The following ZC3H11A variants were observed in gnomAD, a reference collection of about 807,000 sequenced individuals.
The protein encoded by ZC3H11A is zinc finger CCCH domain-containing protein 11A.
Under a neutral mutation model 90.8 loss-of-function variants are expected in ZC3H11A, and 22 were observed. The observed-to-expected ratio is 0.24, with a 90% CI of 0.17 to 0.35. The LOEUF (loss-of-function observed/expected upper bound fraction) is 0.35, where lower values mean the gene tolerates loss of function less well. Ranked by LOEUF, ZC3H11A falls within the 10% of genes least tolerant of loss-of-function variation. ZC3H11A has a pLI of 1.00. For synonymous variants in ZC3H11A, 294 were observed against 339.8 expected, an observed-to-expected ratio of 0.87 and a Z score of 1.48; for missense variants, 701 against 964.9, an observed-to-expected ratio of 0.73 and a Z score of 3.62.
intron 10 of ZC3H11A, among the ~76,000 whole-genome samples, chr1:203,834,490 T>C (rs576467135): frequency 1.2e-4 from 18 of 152,286 alleles, no homozygotes; most frequent in Admixed American, 7.8e-4. Flanking sequence ...CAGGCTGGTC[T>C]CCAACTCCTG....
intron 7 of ZC3H11A, 101 bp from the exon 8 acceptor site, chr1:203,830,022 C>T: frequency 1.5e-6 from 2 of 1,314,386 alleles, no homozygotes; most frequent in South Asian, 1.2e-5. Flanking sequence ...TACTTAGTTT[C>T]TGTTGATCAT....
intron 10 of ZC3H11A, 113 bp downstream of exon 10, chr1:203,833,966 T>C (rs1239934581): frequency 7.1e-7 from 1 of 1,409,836 alleles, no homozygotes; most frequent in African/African-American, 1.5e-5. Context: ...CTGTATTGGC[T>C]GAAAGCACTT....
chr1:203,820,669 G>A (rs529902534), intron 4 of ZC3H11A, among the ~76,000 whole-genome samples: 18 of 152,042 alleles, frequency 1.2e-4, no homozygotes, highest in Admixed American at 3.3e-4. Flanking sequence ...TAGTAGACAC[G>A]AGGTTTCGCG....
intron 10 of ZC3H11A, among the ~76,000 whole-genome samples, chr1:203,834,671 C>T (rs114781601): frequency 0.011 from 1,647 of 152,132 alleles, 37 homozygotes; most frequent in African/African-American, 0.038. Context: ...TCATTTGAAA[C>T]GAGAGTCTTG....
chr1:203,820,794 A>G (rs1434078239), intron 4 of ZC3H11A, among the ~76,000 whole-genome samples: 1 of 152,040 alleles, frequency 6.6e-6, no homozygotes, highest in Non-Finnish European at 1.5e-5. Flanking sequence ...TTTTTGTTGC[A>G]TATCATCCCG....
At chr1:203,804,436 G>A (rs550749712) in intron 2 of ZC3H11A, among the ~76,000 whole-genome samples, 2 of 152,146 alleles carry the variant, frequency 1.3e-5, no homozygotes, top group South Asian at 2.1e-4. Context: ...ACAAGCATGA[G>A]CCACCACGCC....
intron 2 of ZC3H11A, among the ~76,000 whole-genome samples, chr1:203,816,288 G>A (rs1400299429): frequency 1.3e-5 from 2 of 152,014 alleles, no homozygotes; most frequent in African/African-American, 4.8e-5. Context: ...TTTCAAATTA[G>A]TAGGCAAAAA....
chr1:203,799,955 A>G (rs1249106439), intron 1 of ZC3H11A: 18 of 1,536,014 alleles, frequency 1.2e-5, no homozygotes, highest in South Asian at 3.6e-5. Flanking sequence ...AGATCTGCCA[A>G]ATTCCAACTT....
intron 4 of ZC3H11A, among the ~76,000 whole-genome samples, chr1:203,824,086 A>C (rs12739404): frequency 0.11 from 15,981 of 151,966 alleles, 1,123 homozygotes; most frequent in Non-Finnish European, 0.15. Context: ...TGGCCAACAC[A>C]GTGAAACCCC....
intron 10 of ZC3H11A, among the ~76,000 whole-genome samples, chr1:203,836,972 C>G (rs184476777): frequency 6.6e-6 from 1 of 152,254 alleles, no homozygotes; most frequent in Non-Finnish European, 1.5e-5. Flanking sequence ...TCTTCCTCAT[C>G]CTGTATGCAT....
In ZC3H11A at chr1:203,817,462, T is replaced by C. The variant is rs140200931; in HGVS notation, c.54+338T>C. Among the ~76,000 whole-genome samples the C allele has an allele frequency of 2.6e-3, 392 of 150,732 alleles. 4 individuals carry two copies. Among genetic ancestry groups the C allele is most frequent in the Middle Eastern group, 0.011 (3 of 284 alleles). Reference sequence around the variant, plus strand: ...TAACTTTGATTTTATATACTTCATATTAAATGAGTGAGTGAATAGTTAGTG... The same window carrying C: ...TAACTTTGATTTTATATACTTCATACTAAATGAGTGAGTGAATAGTTAGTG... On this transcript the variant is annotated intron_variant, in intron 3 of 17. Transcript: ENST00000367210.
rs1355988310 is a variant in ZC3H11A, at chr1:203,799,752, A to G, written c.-1587-1823A>G. 3.6e-6 allele frequency: 3 copies of G among 834,926 alleles called. No homozygotes were observed. The African/African-American group carries it at 5.0e-5, about 14-fold the overall frequency. The allele number at this position is 834,926 out of a possible 1,614,324, so 51.7% of individuals were successfully genotyped here. On this transcript the variant is annotated intron_variant, in intron 1 of 17. Transcript: ENST00000367210. ...TACTCAGGCCCTCAATCTGGTGGAT[A>G]GTTTATCTCTGAAACTTGAAACAGA...
At chr1:203,850,106 G>C (rs1233066108) in intron 15 of ZC3H11A, 80 bp downstream of exon 15, 13 of 1,320,896 alleles carry the variant, frequency 9.8e-6, no homozygotes, top group Non-Finnish European at 1.3e-5. Context: ...TAACTTCCTG[G>C]CAACAATTGG....
intron 10 of ZC3H11A, 51 bp from the exon 11 acceptor site, chr1:203,837,915 C>T: frequency 6.4e-7 from 1 of 1,551,400 alleles, no homozygotes; most frequent in Non-Finnish European, 8.8e-7. Context: ...TATTTCTTGT[C>T]CTTGCTGAAG....
In ZC3H11A at chr1:203,843,626, A is replaced by T. The variant is rs187604044; in HGVS notation, c.1042+3252A>T. On this transcript the variant is annotated intron_variant, in intron 12 of 17. Coordinates refer to ENST00000367210, the MANE Select transcript of ZC3H11A (RefSeq NM_001376342.1). Reference sequence around the variant, plus strand: ...AAGCAGCCATATGCATATGTATGCAATATGTAAATGAATGACTGCTGGTGT... The same window carrying T: ...AAGCAGCCATATGCATATGTATGCATTATGTAAATGAATGACTGCTGGTGT... 1.7e-3 allele frequency among the ~76,000 whole-genome samples: 263 copies of T among 152,322 alleles called. 2 individuals are homozygous for T. The highest frequency in any genetic ancestry group is 5.9e-3 in the African/African-American group (246 of 41,582).
chr1:203,821,682 G>A (rs1678743837), intron 4 of ZC3H11A, among the ~76,000 whole-genome samples: 1 of 151,976 alleles, frequency 6.6e-6, no homozygotes, highest in African/African-American at 2.4e-5. Flanking sequence ...TCACTTTCAG[G>A]TCCTCTCAGT....
intron 10 of ZC3H11A, among the ~76,000 whole-genome samples, chr1:203,837,040 T>C (rs2103144910): frequency 6.6e-6 from 1 of 152,268 alleles, no homozygotes; most frequent in South Asian, 2.1e-4. Flanking sequence ...CATAGTGCTG[T>C]AATCCTAGCA....
In ZC3H11A at chr1:203,831,716, T is replaced by C. The variant is rs1682440959; in HGVS notation, c.756T>C (p.Pro252=). 1.2e-6 allele frequency: 2 copies of C among 1,613,232 alleles called. No homozygotes were observed. Among genetic ancestry groups the C allele is most frequent in the East Asian group, 4.5e-5 (2 of 44,880 alleles). Residue 252 remains proline (P), a synonymous_variant, in exon 9 of 18, where the codon CCT becomes CCC. Coordinates refer to ENST00000367210, the MANE Select transcript of ZC3H11A (RefSeq NM_001376342.1). ...LLLHPEPVPG[P]EKENVRTVVR... ...TCCACCCTGAGCCCGTTCCAGGTCCTGAAAAAGAAAATGTCAGGACTGTGG... is the reference window on the plus strand; with the variant it reads ...TCCACCCTGAGCCCGTTCCAGGTCCCGAAAAAGAAAATGTCAGGACTGTGG...
intron 2 of ZC3H11A, among the ~76,000 whole-genome samples, chr1:203,812,577 A>AT (rs1216704914): frequency 2.1e-5 from 2 of 94,480 alleles, no homozygotes; most frequent in Non-Finnish European, 2.4e-5. Context: ...AGCCATTCTA[A>AT]ATTTTTTTTT....
Sources: gnomAD v4.1 joint callset for allele counts (sites outside exome capture counted in the v4.1 genomes callset) on GRCh38, gnomAD v4.1.1 for gene constraint, MANE v1.5 for transcripts, NCBI Gene and HGNC (gene_info 2026-07-23, HGNC 2026-07-21) for gene names.